The following DACH1 variants were observed in gnomAD, a reference collection of about 807,000 sequenced individuals.
The protein encoded by DACH1 is dachshund homolog 1.
DACH1 carries 12 observed loss-of-function variants against 54.2 expected under a neutral mutation model. The observed-to-expected ratio is 0.22, with a 90% CI of 0.14 to 0.36. The LOEUF is 0.36. DACH1 is among the 10% of genes least tolerant of loss of function. DACH1 has a pLI of 1.00. For synonymous variants in DACH1, 386 were observed against 366.2 expected (o/e 1.05, Z -0.62); for missense variants, 805 against 929.8 (o/e 0.87, Z 1.75).
intron 1 of DACH1, among the ~76,000 whole-genome samples, chr13:71,778,680 T>C (rs1886179202): frequency 6.6e-6 from 1 of 152,136 alleles, no homozygotes; most frequent in Non-Finnish European, 1.5e-5. Context: ...GTAGAAATCA[T>C]ATGTTTTAAG....
chr13:71,815,873 C>T (rs1171024865), intron 1 of DACH1, among the ~76,000 whole-genome samples: 1 of 151,968 alleles, frequency 6.6e-6, no homozygotes, highest in African/African-American at 2.4e-5. Context: ...ATCACGAGGT[C>T]AGGAGATCGA....
At chr13:71,709,025 T>G (rs1182222251) in intron 1 of DACH1, among the ~76,000 whole-genome samples, 2 of 151,900 alleles carry the variant, frequency 1.3e-5, no homozygotes, top group Non-Finnish European at 2.9e-5. Context: ...ACTAATTTTT[T>G]TGTATTTTTA....
At chr13:71,663,234 G>C (rs2138657421) in intron 2 of DACH1, among the ~76,000 whole-genome samples, 1 of 151,884 alleles carries the variant, frequency 6.6e-6, no homozygotes, top group South Asian at 2.1e-4. Context: ...TTAAACAGCA[G>C]AACAACAGAG....
intron 10 of DACH1, among the ~76,000 whole-genome samples, chr13:71,470,453 G>A (rs1440415692): frequency 2.6e-5 from 4 of 151,794 alleles, no homozygotes; most frequent in East Asian, 1.9e-4. Flanking sequence ...TCAGCCTCCC[G>A]AGTAGCTGGC....
chr13:71,681,032 AC>A (rs1331566263), intron 2 of DACH1, among the ~76,000 whole-genome samples: 3 of 151,886 alleles, frequency 2.0e-5, no homozygotes, highest in Non-Finnish European at 2.9e-5. Flanking sequence ...TAAAGAAAAA[AC>A]ATTAATATAA....
rs545320464 is a variant in DACH1, at chr13:71,523,396, C to T, written c.1570+33628G>A. Among the ~76,000 whole-genome samples, 9 of 152,176 alleles carry T rather than the reference C, an allele frequency of 5.9e-5. No homozygotes were observed. The South Asian group carries it at 1.9e-3, about 32-fold the overall frequency. The stretch of plus-strand genomic sequence containing the variant: ...TTGTGAGGTGAGCTGCTAAAAGGGG[C>T]AGTCAACAAAAATGACTTAAAGGAC... On this transcript the variant is annotated intron_variant, in intron 6 of 10. Coordinates refer to ENST00000613252, the MANE Select transcript of DACH1 (RefSeq NM_080759.6).
At chr13:71,856,874 G>T (rs1008399066) in intron 1 of DACH1, among the ~76,000 whole-genome samples, 2 of 151,870 alleles carry the variant, frequency 1.3e-5, no homozygotes, top group African/African-American at 4.8e-5. Flanking sequence ...ATGTAGACCT[G>T]CAGATTAACC....
At chr13:71,788,304 CT>C (rs1886689783) in intron 1 of DACH1, among the ~76,000 whole-genome samples, 2 of 152,096 alleles carry the variant, frequency 1.3e-5, no homozygotes, top group Admixed American at 1.3e-4. Flanking sequence ...CTCTAATGTT[CT>C]TTCCAATTCA....
At chr13:71,581,037 CTT>C (rs11409245) in intron 3 of DACH1, among the ~76,000 whole-genome samples, 4 of 141,918 alleles carry the variant, frequency 2.8e-5, no homozygotes, top group Admixed American at 7.1e-5. Flanking sequence ...AAGCCTGTGT[CTT>C]TTTTTTTTTT....
intron 3 of DACH1, among the ~76,000 whole-genome samples, chr13:71,589,393 T>C (rs563875099): frequency 1.3e-5 from 2 of 152,180 alleles, no homozygotes; most frequent in East Asian, 1.9e-4. Context: ...GTGATAATTA[T>C]TATTTTTGTA....
At chr13:71,759,154 A>C (rs1255077040) in intron 1 of DACH1, among the ~76,000 whole-genome samples, 1 of 151,848 alleles carries the variant, frequency 6.6e-6, no homozygotes, top group African/African-American at 2.4e-5. Context: ...ACAGTTCACC[A>C]GTTTTAAGCT....
At chr13:71,455,841 C>T (rs536153970) in intron 10 of DACH1, among the ~76,000 whole-genome samples, 27 of 152,204 alleles carry the variant, frequency 1.8e-4, no homozygotes, top group Non-Finnish European at 3.5e-4. Flanking sequence ...TGGTATCTTA[C>T]CATTTTTAAA....
chr13:71,537,929 C>G (rs1882911052), intron 6 of DACH1, among the ~76,000 whole-genome samples: 1 of 152,088 alleles, frequency 6.6e-6, no homozygotes. Flanking sequence ...ATCATAAATA[C>G]ATGAGCCATG....
intron 10 of DACH1, among the ~76,000 whole-genome samples, chr13:71,443,941 A>ATGGAATATGGCC (rs1334031096): frequency 4.7e-4 from 72 of 152,218 alleles, no homozygotes; most frequent in African/African-American, 1.5e-3. Flanking sequence ...TTGTTTTCGT[A>ATGGAATATGGCC]TGGAATATGG....
In DACH1 at chr13:71,820,591, A is replaced by G. The variant is rs189602906; in HGVS notation, c.848+45331T>C. ...GACTAATGCATTAAATCATGAGTTA[A>G]AAAAACAGAATTCGGTATATGTCAA... On this transcript the variant is annotated intron_variant, in intron 1 of 10. Transcript: ENST00000613252. 2.0e-5 allele frequency among the ~76,000 whole-genome samples: 3 copies of G among 152,344 alleles called. No homozygotes were observed. The East Asian group carries it at 5.8e-4, about 29-fold the overall frequency.
rs541881637 is a variant in DACH1, at chr13:71,668,344, C to T, written c.964+13451G>A. 2.6e-3 allele frequency among the ~76,000 whole-genome samples: 396 copies of T among 152,086 alleles called. 1 individual carries two copies. Among genetic ancestry groups the T allele is most frequent in the Non-Finnish European group, 4.6e-3 (311 of 67,978 alleles). On this transcript the variant is annotated intron_variant, in intron 2 of 10. Transcript: ENST00000613252. ...CTTTCCTGAAATTATATCCTTACAT[C>T]CCAGGAAGTAAGCTCAAATAATTAA...
In DACH1 at chr13:71,681,869, G is replaced by T. The variant is rs1880920391; in HGVS notation, c.890C>A (p.Thr297Asn). The change falls in exon 2 of 11, where the codon ACC (threonine) becomes AAC (asparagine). Residue 297 changes from threonine (T) to asparagine (N), a missense_variant. By Grantham distance (65) the Thr-to-Asn change is moderately conservative (BLOSUM62 0). This residue lies in a region of DACH1 where 472 missense variants were observed against 545.3 expected (regional missense o/e 0.87). Transcript: ENST00000613252. The stretch of plus-strand genomic sequence containing the variant: ...CATGATGTGAGAGTTCTCTGGGGAG[G>T]TGACACTTTGAGTCCTCTTAGGAGG... ...GRPPKRTQSV[T>N]SPENSHIMPH... is the part of the protein sequence containing the mutation. 2 of 1,613,906 alleles carry T rather than the reference G, an allele frequency of 1.2e-6. No individual in the cohort carries two copies. The highest frequency in any genetic ancestry group is 1.7e-6 in the Non-Finnish European group (2 of 1,179,866).
chr13:71,824,071 AATTAT>A (rs779235498), intron 1 of DACH1, among the ~76,000 whole-genome samples: 27 of 151,932 alleles, frequency 1.8e-4, no homozygotes, highest in Non-Finnish European at 3.5e-4. Flanking sequence ...GAACTAATAC[AATTAT>A]ATTATATTCA....
intron 10 of DACH1, among the ~76,000 whole-genome samples, chr13:71,451,254 A>G (rs1469506125): frequency 6.6e-6 from 1 of 152,150 alleles, no homozygotes; most frequent in Non-Finnish European, 1.5e-5. Flanking sequence ...TGCACGTGGC[A>G]TAGGACCCAG....
Sources: allele counts gnomAD v4.1 joint callset (sites outside exome capture counted in the v4.1 genomes callset), GRCh38; gene constraint gnomAD v4.1.1; regional missense constraint gnomAD v4.1.1; transcripts MANE v1.5; gene names NCBI Gene and HGNC (gene_info 2026-07-23, HGNC 2026-07-21).